Variants in PPIL6 observed in about 807,000 individuals in gnomAD.
PPIL6 encodes the protein peptidylprolyl isomerase like 6.
PPIL6 carries 39 observed loss-of-function variants against 36.8 expected under a neutral mutation model. That is an observed-to-expected ratio of 1.06 (90% CI 0.82 to 1.38). The LOEUF (loss-of-function observed/expected upper bound fraction) is 1.38. Ranked by LOEUF, PPIL6 falls within the 40% of genes most tolerant of loss-of-function variation. The probability of loss-of-function intolerance (pLI) is 0.00; values close to 1 mark genes in which losing one functional copy is unlikely to be tolerated. For synonymous variants in PPIL6, 123 were observed against 134.1 expected (o/e 0.92, Z 0.57); for missense variants, 368 against 379.1 (o/e 0.97, Z 0.24).
At chr6:109,429,226 G>A (rs1179758575) in intron 3 of PPIL6, among the ~76,000 whole-genome samples, 1 of 152,156 alleles carries the variant, frequency 6.6e-6, no homozygotes, top group Non-Finnish European at 1.5e-5. Context: ...ATTATGTCCA[G>A]CCCATGCTGC....
At chr6:109,432,423 T>A (rs1318297837) in intron 2 of PPIL6, among the ~76,000 whole-genome samples, 1 of 152,122 alleles carries the variant, frequency 6.6e-6, no homozygotes, top group East Asian at 1.9e-4. Flanking sequence ...ACTTCCCCTC[T>A]GAGGAGATCT....
chr6:109,401,560 C>T (rs1414254266), intron 6 of PPIL6, among the ~76,000 whole-genome samples: 6 of 152,016 alleles, frequency 3.9e-5, no homozygotes, highest in African/African-American at 9.7e-5. Flanking sequence ...TGAATAAAGA[C>T]CCCTGAAACC....
At chr6:109,401,897 GTATT>G (rs1772561987) in intron 6 of PPIL6, among the ~76,000 whole-genome samples, 3 of 151,932 alleles carry the variant, frequency 2.0e-5, no homozygotes, top group Admixed American at 2.0e-4. Flanking sequence ...CTAATTTTTT[GTATT>G]TTTAGTGGAA....
chr6:109,432,153 G>A (rs1774192650), intron 2 of PPIL6, among the ~76,000 whole-genome samples: 1 of 152,146 alleles, frequency 6.6e-6, no homozygotes, highest in Non-Finnish European at 1.5e-5. Context: ...GTGCATACTT[G>A]GAAAGGATAG....
At chr6:109,424,164 G>C (rs530684027) in intron 5 of PPIL6, among the ~76,000 whole-genome samples, 1 of 152,100 alleles carries the variant, frequency 6.6e-6, no homozygotes, top group Admixed American at 6.5e-5. Context: ...AGGGTGGTCC[G>C]GTAAGGCCTT....
chr6:109,415,777 G>C (rs1163736075), intron 6 of PPIL6, among the ~76,000 whole-genome samples: 7 of 152,142 alleles, frequency 4.6e-5, no homozygotes, highest in Non-Finnish European at 8.8e-5. Flanking sequence ...AGAGTACCAT[G>C]TGTAATCAGC....
At chr6:109,435,720 T>A (rs1341086912) in intron 2 of PPIL6, among the ~76,000 whole-genome samples, 3 of 151,738 alleles carry the variant, frequency 2.0e-5, no homozygotes, top group Non-Finnish European at 2.9e-5. Flanking sequence ...AGCTCAGGAG[T>A]TTGAGACTAC....
chr6:109,392,755 T>G lies in PPIL6; in HGVS notation c.*71A>C. Reference sequence around the variant, plus strand: ...TCAAATTACAATTTATCAAGTACTTTTTAATTAAATCCACAAACAGCTGAT... The same window carrying G: ...TCAAATTACAATTTATCAAGTACTTGTTAATTAAATCCACAAACAGCTGAT... On this transcript the variant is annotated 3_prime_UTR_variant, in exon 8 of 8. Transcript: ENST00000521072. 1.0e-6 allele frequency: 1 copy of G among 985,040 alleles called. No individual in the cohort carries two copies. Among genetic ancestry groups the G allele is most frequent in the Non-Finnish European group, 1.5e-6 (1 of 652,996 alleles). 61.0% of individuals were successfully genotyped at this position (985,040 alleles called of 1,614,324 possible). A position where few individuals can be genotyped will look rare whatever the true frequency, so the allele number is the denominator to read the frequency against.
rs532406574 is a variant in PPIL6, at chr6:109,405,350, T to A, written c.689-5180A>T. ...GCACTATAGTTTAGTCTTTCCCATTTAAAAAAAATTGGTTATGCTTTTAAG... is the reference window on the plus strand; with the variant it reads ...GCACTATAGTTTAGTCTTTCCCATTAAAAAAAAATTGGTTATGCTTTTAAG... On this transcript the variant is annotated intron_variant, in intron 6 of 7. Coordinates refer to ENST00000521072, the MANE Select transcript of PPIL6 (RefSeq NM_173672.5). Among the ~76,000 whole-genome samples the A allele has an allele frequency of 1.1e-4, 16 of 152,184 alleles. No homozygotes were observed. In the East Asian group the frequency reaches 2.7e-3, roughly 26 times the overall value.
Position 109,440,261 on chromosome 6 carries a change from G to C in PPIL6, c.135+195C>G, listed in dbSNP as rs774518849. On this transcript the variant is annotated intron_variant, in intron 1 of 7. Coordinates refer to ENST00000521072, the MANE Select transcript of PPIL6 (RefSeq NM_173672.5). ...TCGCCAAGTGGAACGCCCGCCCCCG[G>C]ACCCGCACTTGCCCCCCTATACTCT... The C allele has an allele frequency of 2.8e-5, 20 of 718,400 alleles. No homozygotes were observed. The Admixed American group carries it at 3.7e-4, about 13-fold the overall frequency. The allele number at this position is 718,400 out of a possible 1,614,324, so 44.5% of individuals were successfully genotyped here.
rs550072406 is a variant in PPIL6, at chr6:109,422,112, G to A, written c.632-2869C>T. ...AGACTGGTCTCGAACTCCTGACCTC[G>A]TGATCCACCCGCCTCAGCCTCCCAA... On this transcript the variant is annotated intron_variant, in intron 5 of 7. Transcript: ENST00000521072. 3.7e-3 allele frequency among the ~76,000 whole-genome samples: 563 copies of A among 152,130 alleles called. 3 individuals carry two copies. The highest frequency in any genetic ancestry group is 0.013 in the African/African-American group (532 of 41,516).
At chr6:109,412,708 T>TAC (rs1370274076) in intron 6 of PPIL6, among the ~76,000 whole-genome samples, 1 of 152,172 alleles carries the variant, frequency 6.6e-6, no homozygotes, top group Non-Finnish European at 1.5e-5. Flanking sequence ...ACTAGACCCC[T>TAC]ACCTCTCACC....
At chr6:109,440,787 C>G (rs952420207), upstream of PPIL6, 13 of 354,068 alleles carry the variant, frequency 3.7e-5, no homozygotes, top group South Asian at 3.7e-4. Flanking sequence ...CGGGGACGAG[C>G]TTGGAGGAAA....
At chr6:109,420,008 T>G (rs1399033406) in intron 5 of PPIL6, among the ~76,000 whole-genome samples, 1 of 152,100 alleles carries the variant, frequency 6.6e-6, no homozygotes, top group East Asian at 1.9e-4. Flanking sequence ...ACTAAGAGGC[T>G]AAAACAGGAA....
At chr6:109,440,859 C>T (rs914597017), upstream of PPIL6, 26 of 525,252 alleles carry the variant, frequency 4.9e-5, no homozygotes, top group Admixed American at 1.1e-4. Flanking sequence ...AGCGCGCGGC[C>T]CTTACCGAGC....
chr6:109,440,894 G>A, upstream of PPIL6: 1 of 556,682 alleles, frequency 1.8e-6, no homozygotes. Context: ...TTCGGCAGCG[G>A]ATCGCCTTTC....
chr6:109,428,057 T>C (rs960282286), intron 3 of PPIL6, among the ~76,000 whole-genome samples: 1 of 152,224 alleles, frequency 6.6e-6, no homozygotes, highest in Non-Finnish European at 1.5e-5. Context: ...TTTCAAGTTA[T>C]ATTCAATAAT....
At chr6:109,430,518 C>T (rs1774080593) in intron 3 of PPIL6, among the ~76,000 whole-genome samples, 1 of 152,122 alleles carries the variant, frequency 6.6e-6, no homozygotes, top group South Asian at 2.1e-4. Flanking sequence ...CCTCCACCTC[C>T]CAGGTTTAAG....
intron 3 of PPIL6, among the ~76,000 whole-genome samples, chr6:109,430,277 G>A (rs576304844): frequency 1.3e-5 from 2 of 152,300 alleles, no homozygotes; most frequent in South Asian, 4.1e-4. Flanking sequence ...AGGTTTCTGA[G>A]CAGGACTGCA....
Sources: gnomAD v4.1 joint callset for allele counts (sites outside exome capture counted in the v4.1 genomes callset) on GRCh38, gnomAD v4.1.1 for gene constraint, MANE v1.5 for transcripts, NCBI Gene and HGNC (gene_info 2026-07-23, HGNC 2026-07-21) for gene names.